The following CNTLN variants were observed in gnomAD, a reference collection of about 807,000 sequenced individuals.
CNTLN encodes centlein, centrosomal protein.
Under a neutral mutation model 180.0 loss-of-function variants are expected in CNTLN, and 212 were observed. That is an observed-to-expected ratio of 1.18 (90% confidence interval 1.05 to 1.32). The LOEUF (loss-of-function observed/expected upper bound fraction) is 1.32, where lower values mean the gene tolerates loss of function less well. Ranked by LOEUF, CNTLN falls within the 40% of genes most tolerant of loss-of-function variation. The pLI, the probability that CNTLN is intolerant of heterozygous loss-of-function variation, is 0.00. For synonymous variants in CNTLN, 722 were observed against 563.1 expected, an observed-to-expected ratio of 1.28 and a Z score of -3.99; for missense variants, 2,095 against 1,610.9, an observed-to-expected ratio of 1.30 and a Z score of -5.14.
chr9:17,284,464 A>C (rs1003069972), intron 6 of CNTLN, among the ~76,000 whole-genome samples: 3 of 152,022 alleles, frequency 2.0e-5, no homozygotes, highest in African/African-American at 7.3e-5. Context: ...TCAGGGATTT[A>C]GCTTCTCCCT....
chr9:17,486,950 A>C (rs757161154), intron 24 of CNTLN, 39 bp from the exon 25 acceptor site: 1 of 1,024,636 alleles, frequency 9.8e-7, no homozygotes, highest in South Asian at 1.4e-5. Flanking sequence ...AGTTCATATA[A>C]ATTTCGTTAA....
chr9:17,415,112 C>T (rs996104367), intron 16 of CNTLN, among the ~76,000 whole-genome samples: 12 of 151,882 alleles, frequency 7.9e-5, no homozygotes, highest in Non-Finnish European at 1.6e-4. Context: ...AATCTTAAGA[C>T]CACATGTTTT....
At chr9:17,466,334 T>C (rs1203384341) in intron 22 of CNTLN, among the ~76,000 whole-genome samples, 1 of 151,494 alleles carries the variant, frequency 6.6e-6, no homozygotes, top group Non-Finnish European at 1.5e-5. Context: ...TTTGTCTTGA[T>C]AGTTTTTAAG....
chr9:17,526,325 G>A, the CNTLN span, among the ~76,000 whole-genome samples: 1 of 152,098 alleles, frequency 6.6e-6, no homozygotes, highest in East Asian at 1.9e-4. Context: ...AATTAATTAG[G>A]TATGTCTAAA....
intron 23 of CNTLN, among the ~76,000 whole-genome samples, chr9:17,478,326 A>G (rs1832461537): frequency 6.6e-6 from 1 of 152,116 alleles, no homozygotes; most frequent in Admixed American, 6.5e-5. Context: ...TCTATCAGAT[A>G]TGTGATTTGA....
At chr9:17,308,792 C>G (rs1009367433) in intron 7 of CNTLN, among the ~76,000 whole-genome samples, 1 of 151,614 alleles carries the variant, frequency 6.6e-6, no homozygotes, top group African/African-American at 2.4e-5. Context: ...ATTACACTGG[C>G]TAATAATACA....
At chr9:17,197,690 G>T (rs1164882139) in intron 2 of CNTLN, among the ~76,000 whole-genome samples, 1 of 152,102 alleles carries the variant, frequency 6.6e-6, no homozygotes. Context: ...TGGCGTGTCT[G>T]CTCACTTTAT....
At chr9:17,460,029 T>C (rs934597015) in intron 19 of CNTLN, among the ~76,000 whole-genome samples, 3 of 151,782 alleles carry the variant, frequency 2.0e-5, no homozygotes, top group Non-Finnish European at 4.4e-5. Context: ...TTAGACTTAA[T>C]TGAGAAAATT....
chr9:17,494,779 C>A (rs1833357362), intron 25 of CNTLN: 2 of 322,502 alleles, frequency 6.2e-6, no homozygotes, highest in Admixed American at 4.1e-5. Context: ...GTGCTGCCAC[C>A]CATAGAAAAG....
chr9:17,511,601 A>T, the CNTLN span, among the ~76,000 whole-genome samples: 31,534 of 151,590 alleles, frequency 0.21, 3,480 homozygotes, highest in Non-Finnish European at 0.23. Context: ...CCTTTGCCAC[A>T]CGAGTCTCTT....
chr9:17,246,303 G>A (rs1413835253), intron 5 of CNTLN, among the ~76,000 whole-genome samples: 2 of 152,196 alleles, frequency 1.3e-5, no homozygotes, highest in Admixed American at 1.3e-4. Context: ...TAGACTCATA[G>A]AAATACTGCC....
chr9:17,432,694 A>T (rs766342859), intron 18 of CNTLN, among the ~76,000 whole-genome samples: 18 of 152,166 alleles, frequency 1.2e-4, no homozygotes, highest in Non-Finnish European at 2.5e-4. Flanking sequence ...ATGCATCAGT[A>T]TAAATTCTAT....
At chr9:17,454,768 T>C (rs1259410406) in intron 18 of CNTLN, among the ~76,000 whole-genome samples, 1 of 152,200 alleles carries the variant, frequency 6.6e-6, no homozygotes, top group African/African-American at 2.4e-5. Flanking sequence ...CAAAGCCATG[T>C]GTTTATGTAA....
At chr9:17,411,664 T>A (rs1200577613) in intron 16 of CNTLN, among the ~76,000 whole-genome samples, 1 of 152,104 alleles carries the variant, frequency 6.6e-6, no homozygotes, top group South Asian at 2.1e-4. Flanking sequence ...GACTCTCACA[T>A]AAGCATGAAC....
At chr9:17,291,624 C>T (rs905139557) in intron 6 of CNTLN, among the ~76,000 whole-genome samples, 1 of 152,162 alleles carries the variant, frequency 6.6e-6, no homozygotes, top group Non-Finnish European at 1.5e-5. Context: ...ACTAGGATTG[C>T]AGCCCCTGCT....
intron 18 of CNTLN, among the ~76,000 whole-genome samples, chr9:17,438,771 T>C (rs1829935873): frequency 6.6e-6 from 1 of 152,124 alleles, no homozygotes; most frequent in Non-Finnish European, 1.5e-5. Context: ...AGTATGTAGA[T>C]GGCATTTAAA....
At chr9:17,315,275 C>T (rs1295691291) in intron 8 of CNTLN, among the ~76,000 whole-genome samples, 3 of 151,984 alleles carry the variant, frequency 2.0e-5, no homozygotes, top group Non-Finnish European at 4.4e-5. Flanking sequence ...TTGATTTGCA[C>T]CATCTTTTCT....
At chr9:17,206,748 G>T (rs1008996446) in intron 2 of CNTLN, among the ~76,000 whole-genome samples, 2 of 152,202 alleles carry the variant, frequency 1.3e-5, no homozygotes, top group African/African-American at 4.8e-5. Flanking sequence ...GGAATGGGTT[G>T]TATGAGTGAG....
intron 13 of CNTLN, among the ~76,000 whole-genome samples, chr9:17,371,636 A>G (rs1004082530): frequency 6.6e-6 from 1 of 152,130 alleles, no homozygotes; most frequent in African/African-American, 2.4e-5. Context: ...TTTACAGAAC[A>G]TTTCATCCAA....
Sources: allele counts gnomAD v4.1 joint callset (sites outside exome capture counted in the v4.1 genomes callset), GRCh38; gene constraint gnomAD v4.1.1; transcripts MANE v1.5; gene names NCBI Gene and HGNC (gene_info 2026-07-23, HGNC 2026-07-21).